CEP112: variants seen among roughly 807,000 people sequenced by gnomAD.
The protein encoded by CEP112 is centrosomal protein 112.
In CEP112, 127 loss-of-function variants were observed where a neutral mutation model predicts 153.0. The observed-to-expected ratio is 0.83, with a 90% CI of 0.72 to 0.96. The LOEUF is 0.96. Among genes scored for constraint, CEP112 ranks in the 40% least tolerant of loss-of-function variants. The probability of loss-of-function intolerance (pLI) is 0.00; values close to 1 mark genes in which losing one functional copy is unlikely to be tolerated. For synonymous variants in CEP112, 358 were observed against 374.4 expected, an observed-to-expected ratio of 0.96 and a Z score of 0.51; for missense variants, 1,089 against 1,101.2, an observed-to-expected ratio of 0.99 and a Z score of 0.16.
At chr17:65,838,089 A>G (rs1303922124) in intron 21 of CEP112, among the ~76,000 whole-genome samples, 2 of 147,372 alleles carry the variant, frequency 1.4e-5, no homozygotes, top group African/African-American at 2.5e-5. Flanking sequence ...ATCAATAAAT[A>G]CTAAAAAAAT....
At chr17:65,996,158 G>C (rs1362255139) in intron 17 of CEP112, among the ~76,000 whole-genome samples, 2 of 150,996 alleles carry the variant, frequency 1.3e-5, no homozygotes, top group South Asian at 2.1e-4. Flanking sequence ...GTGTGTGTGT[G>C]TGTGTGTGTA....
At chr17:65,966,215 A>G (rs767162478) in intron 17 of CEP112, among the ~76,000 whole-genome samples, 1 of 152,234 alleles carries the variant, frequency 6.6e-6, no homozygotes, top group Non-Finnish European at 1.5e-5. Context: ...TAAAGAAAAA[A>G]GAAGCTGCAT....
In CEP112 at chr17:65,812,697, G is replaced by A. The variant is rs139271556; in HGVS notation, c.2394+39107C>T. Among the ~76,000 whole-genome samples, 867 of 152,116 alleles carry A rather than the reference G, an allele frequency of 5.7e-3. 5 individuals are homozygous for A. Among genetic ancestry groups the A allele is most frequent in the African/African-American group, 0.02 (834 of 41,486 alleles). The stretch of plus-strand genomic sequence containing the variant: ...AACTTCAGTTTTATTTACATAAAAG[G>A]CAACCTTCTAAAAAAGCATCCCTAA... On this transcript the variant is annotated intron_variant, in intron 21 of 26. Transcript: ENST00000535342.
Position 65,750,692 on chromosome 17 carries a change from T to C in CEP112, c.2427A>G (p.Glu809=). The change falls in exon 22 of 27, where the codon GAA becomes GAG. Residue 809 remains glutamate (E), a synonymous_variant. Coordinates refer to ENST00000535342, the MANE Select transcript of CEP112 (RefSeq NM_001199165.4). Reference sequence around the variant, plus strand: ...AAGATTTGGCAAGCTTCTGAGTGTATTCCTTCTCAATCTGCTTCAGCTTGC... The same window carrying C: ...AAGATTTGGCAAGCTTCTGAGTGTACTCCTTCTCAATCTGCTTCAGCTTGC... ...ANSKLKQIEK[E]YTQKLAKSSQ... is the part of the protein sequence containing the mutation. The C allele has an allele frequency of 6.2e-7, 1 of 1,614,108 alleles. No homozygotes were observed. Among genetic ancestry groups the C allele is most frequent in the Non-Finnish European group, 8.5e-7 (1 of 1,179,976 alleles).
At chr17:66,000,048 T>C (rs1333788244) in intron 17 of CEP112, among the ~76,000 whole-genome samples, 4 of 152,202 alleles carry the variant, frequency 2.6e-5, no homozygotes, top group Non-Finnish European at 4.4e-5. Flanking sequence ...CATGTGTCTT[T>C]ATAATAGAAC....
At chr17:66,078,181 A>G (rs973476862) in intron 8 of CEP112, among the ~76,000 whole-genome samples, 1 of 149,844 alleles carries the variant, frequency 6.7e-6, no homozygotes, top group African/African-American at 2.5e-5. Flanking sequence ...GTGGGCTGTA[A>G]GTATTTGGGT....
Position 66,102,796 on chromosome 17 carries a change from CA to C in CEP112, c.643-6165del, listed in dbSNP as rs11416184. ...TGGGTAACAGAGCGAGACTCCATCT[CA>C]AAAAAAAAAAAAAAAGAATTAAAAA... On this transcript the variant is annotated intron_variant, in intron 6 of 26. Coordinates refer to ENST00000535342, the MANE Select transcript of CEP112 (RefSeq NM_001199165.4). Among the ~76,000 whole-genome samples the C allele has an allele frequency of 5.3e-3, 530 of 99,622 alleles. 3 individuals carry two copies. The highest frequency in any genetic ancestry group is 0.01 in the African/African-American group (244 of 24,134). The allele number at this position is 99,622 out of a possible 152,430, so 65.4% of individuals were successfully genotyped here.
chr17:66,183,157 T>A, intron 2 of CEP112, 37 bp downstream of exon 2: 1 of 1,383,432 alleles, frequency 7.2e-7, no homozygotes, highest in Non-Finnish European at 9.9e-7. Flanking sequence ...AAGAAAAAAA[T>A]TAATCTTAAG....
chr17:66,067,398 C>T (rs113212191), intron 9 of CEP112, among the ~76,000 whole-genome samples: 11 of 152,270 alleles, frequency 7.2e-5, no homozygotes, highest in African/African-American at 2.4e-4. Flanking sequence ...CTCAGATTAG[C>T]ATAAAAATAG....
At chr17:65,839,791 T>C (rs2057450884) in intron 21 of CEP112, among the ~76,000 whole-genome samples, 1 of 151,768 alleles carries the variant, frequency 6.6e-6, no homozygotes, top group African/African-American at 2.4e-5. Flanking sequence ...TCCACCAAAA[T>C]AATGTTAGAA....
intron 1 of CEP112, among the ~76,000 whole-genome samples, chr17:66,190,686 T>G (rs1231823351): frequency 6.6e-6 from 1 of 152,212 alleles, no homozygotes; most frequent in Non-Finnish European, 1.5e-5. Flanking sequence ...AATCTATATT[T>G]GGATCATGTC....
At chr17:66,032,299 C>T (rs1337799374) in intron 12 of CEP112, among the ~76,000 whole-genome samples, 1 of 151,040 alleles carries the variant, frequency 6.6e-6, no homozygotes, top group Non-Finnish European at 1.5e-5. Flanking sequence ...CTGCACCTGG[C>T]CAAATTTGTC....
At chr17:65,969,146 A>C (rs1266013735) in intron 17 of CEP112, among the ~76,000 whole-genome samples, 1 of 148,050 alleles carries the variant, frequency 6.8e-6, no homozygotes. Context: ...CAGTGGTGCG[A>C]TCTCGGCTAA....
chr17:65,651,481 T>C (rs181515300), intron 24 of CEP112, among the ~76,000 whole-genome samples: 126 of 152,326 alleles, frequency 8.3e-4, no homozygotes, highest in Admixed American at 3.5e-3. Context: ...GATCAAGTGA[T>C]AGTTCTACTC....
intron 17 of CEP112, among the ~76,000 whole-genome samples, chr17:65,974,474 T>C (rs2062959404): frequency 6.6e-6 from 1 of 152,158 alleles, no homozygotes; most frequent in Non-Finnish European, 1.5e-5. Context: ...TATATACATG[T>C]CATTTTGACC....
intron 19 of CEP112, among the ~76,000 whole-genome samples, chr17:65,905,303 C>T (rs983865479): frequency 1.3e-5 from 2 of 152,064 alleles, no homozygotes; most frequent in Admixed American, 1.3e-4. Flanking sequence ...TATGAACAGA[C>T]ACTTCTCAAA....
In CEP112 at chr17:66,189,755, G is replaced by A. The variant is rs138810107; in HGVS notation, c.-9+2242C>T. Among the ~76,000 whole-genome samples, 465 of 152,210 alleles carry A rather than the reference G, an allele frequency of 3.1e-3. 1 individual carries two copies. Among genetic ancestry groups the A allele is most frequent in the African/African-American group, 0.01 (434 of 41,522 alleles). ...ATACAAATTACATCTTATTGGCCAGGTGTGGTGGCTCACATCTGTAATCCA... is the reference window on the plus strand; with the variant it reads ...ATACAAATTACATCTTATTGGCCAGATGTGGTGGCTCACATCTGTAATCCA... On this transcript the variant is annotated intron_variant, in intron 1 of 26. Transcript: ENST00000535342.
At chr17:66,056,377 A>C (rs1191285548) in intron 11 of CEP112, among the ~76,000 whole-genome samples, 1 of 152,224 alleles carries the variant, frequency 6.6e-6, no homozygotes, top group African/African-American at 2.4e-5. Context: ...GAGTTACCAC[A>C]TAACCCAGGA....
At chr17:65,770,672 T>C (rs1288564024) in intron 21 of CEP112, among the ~76,000 whole-genome samples, 1 of 152,090 alleles carries the variant, frequency 6.6e-6, no homozygotes. Context: ...TTTATAATAC[T>C]TGCAGAAACA....
Sources: gnomAD v4.1 joint callset for allele counts (sites outside exome capture counted in the v4.1 genomes callset) on GRCh38, gnomAD v4.1.1 for gene constraint, MANE v1.5 for transcripts, NCBI Gene and HGNC (gene_info 2026-07-23, HGNC 2026-07-21) for gene names.